ANK3: variants seen among roughly 807,000 people sequenced by gnomAD.
ANK3 encodes ankyrin 3.
A neutral mutation model predicts 370.9 loss-of-function variants in ANK3; 57 were observed. That is an observed-to-expected ratio of 0.15 (90% confidence interval 0.12 to 0.19). The LOEUF is 0.19. Ranked by LOEUF, ANK3 falls within the 10% of genes least tolerant of loss-of-function variation. The pLI, the probability that ANK3 is intolerant of heterozygous loss-of-function variation, is 1.00. For missense variants in ANK3, 4,439 were observed against 5,302.1 expected (o/e 0.84, Z 5.06); for synonymous variants, 1,929 against 1,946.3 (o/e 0.99, Z 0.23).
chr10:60,145,600 T>C (rs2094777854), intron 23 of ANK3, among the ~76,000 whole-genome samples: 2 of 152,208 alleles, frequency 1.3e-5, no homozygotes, highest in African/African-American at 4.8e-5. Flanking sequence ...TAAAACAGAA[T>C]TGTTATTTCC....
At position 60,060,350 on chromosome 10, in the gene ANK3, T is replaced by C. The variant is rs184445807; in HGVS notation, c.12596-920A>G. ...AGACCAATATAAAGTTAGTTGTCAT[T>C]ACATGAGATACTTATTATCTTTCTA... On this transcript the variant is annotated intron_variant, in intron 40 of 43. Coordinates refer to ENST00000280772, the MANE Select transcript of ANK3 (RefSeq NM_020987.5). 608 of 162,430 alleles carry C rather than the reference T, an allele frequency of 3.7e-3. 9 individuals carry two copies. Among genetic ancestry groups the C allele is most frequent in the Non-Finnish European group, 9.1e-4 (68 of 74,666 alleles). The allele number at this position is 162,430 out of a possible 1,614,324, so 10.1% of individuals were successfully genotyped here.
intron 43 of ANK3, among the ~76,000 whole-genome samples, chr10:60,036,110 T>C (rs10761442): frequency 0.25 from 37,752 of 151,782 alleles, 4,943 homozygotes; most frequent in Admixed American, 0.34. Flanking sequence ...TAAAGAGGAA[T>C]AAGGATACCT....
At chr10:60,513,458 G>C (rs574993884) in intron 2 of ANK3, among the ~76,000 whole-genome samples, 1 of 152,194 alleles carries the variant, frequency 6.6e-6, no homozygotes, top group Admixed American at 6.5e-5. Context: ...GAGAACCAGG[G>C]AGACTTTTTT....
At chr10:60,256,240 G>A (rs1239589141) in intron 7 of ANK3, among the ~76,000 whole-genome samples, 1 of 152,234 alleles carries the variant, frequency 6.6e-6, no homozygotes, top group Non-Finnish European at 1.5e-5. Flanking sequence ...TGAACAAATT[G>A]GTAGTGTAGG....
intron 2 of ANK3, among the ~76,000 whole-genome samples, chr10:60,498,313 C>A (rs150702634): frequency 6.6e-6 from 1 of 152,286 alleles, no homozygotes; most frequent in African/African-American, 2.4e-5. Context: ...TATGTTGACT[C>A]TGGGTTTATT....
intron 2 of ANK3, among the ~76,000 whole-genome samples, chr10:60,480,856 C>A (rs1388761513): frequency 6.6e-6 from 1 of 152,178 alleles, no homozygotes; most frequent in African/African-American, 2.4e-5. Context: ...TTCCTTTGGG[C>A]AGCAAATTGC....
chr10:60,496,840 T>C (rs1463007732), intron 2 of ANK3, among the ~76,000 whole-genome samples: 2 of 151,700 alleles, frequency 1.3e-5, no homozygotes, highest in South Asian at 2.1e-4. Flanking sequence ...GGTGGGAGAA[T>C]AGGGCCTGAG....
At chr10:60,559,123 T>A (rs2077276314) in intron 2 of ANK3, among the ~76,000 whole-genome samples, 1 of 152,110 alleles carries the variant, frequency 6.6e-6, no homozygotes, top group African/African-American at 2.4e-5. Context: ...GCCTTCTTTT[T>A]AAAAAAAATT....
chr10:60,180,626 C>CCAT (rs1565506403), intron 18 of ANK3, among the ~76,000 whole-genome samples: 43 of 119,304 alleles, frequency 3.6e-4, no homozygotes, highest in African/African-American at 1.2e-3. Context: ...AAAAAAAAAA[C>CCAT]ATGTTAGAGT....
At chr10:60,450,267 T>A (rs1319969620) in intron 2 of ANK3, among the ~76,000 whole-genome samples, 1 of 152,126 alleles carries the variant, frequency 6.6e-6, no homozygotes. Flanking sequence ...GCACTCCAGC[T>A]AGCCTGGGTG....
At chr10:60,607,399 G>T (rs2078142586) in intron 2 of ANK3, among the ~76,000 whole-genome samples, 1 of 152,000 alleles carries the variant, frequency 6.6e-6, no homozygotes, top group East Asian at 1.9e-4. Context: ...ACCACATACT[G>T]CCTCCCTTTC....
At chr10:60,594,037 G>A (rs2077953548) in intron 2 of ANK3, among the ~76,000 whole-genome samples, 1 of 152,114 alleles carries the variant, frequency 6.6e-6, no homozygotes, top group South Asian at 2.1e-4. Context: ...ATTGCACTGG[G>A]CAAATGACCG....
chr10:60,453,862 T>G (rs535571438), intron 2 of ANK3, among the ~76,000 whole-genome samples: 2 of 152,218 alleles, frequency 1.3e-5, no homozygotes, highest in Non-Finnish European at 2.9e-5. Flanking sequence ...GTTCTATATA[T>G]TCCCATTATA....
At chr10:60,697,610 A>T (rs1442144649) in intron 1 of ANK3, among the ~76,000 whole-genome samples, 15 of 143,212 alleles carry the variant, frequency 1.0e-4, no homozygotes, top group Non-Finnish European at 1.5e-4. Context: ...CATATCTACA[A>T]CTATCTGATC....
At chr10:60,362,132 G>A (rs1449956412) in intron 1 of ANK3, among the ~76,000 whole-genome samples, 2 of 151,042 alleles carry the variant, frequency 1.3e-5, no homozygotes, top group East Asian at 1.9e-4. Flanking sequence ...TGTCCTATGT[G>A]GTCACTTTTA....
intron 2 of ANK3, among the ~76,000 whole-genome samples, chr10:60,407,091 ACT>A (rs2063471583): frequency 6.6e-6 from 1 of 152,170 alleles, no homozygotes; most frequent in African/African-American, 2.4e-5. Context: ...CAGATTTTCT[ACT>A]CTGTTGTATC....
In ANK3 at chr10:60,198,787, C is replaced by T. The variant is rs78173462; in HGVS notation, c.1492-250G>A. Among the ~76,000 whole-genome samples the T allele has an allele frequency of 2.3e-3, 355 of 152,124 alleles. 1 individual carries two copies. The highest frequency in any genetic ancestry group is 8.3e-3 in the African/African-American group (343 of 41,488). On this transcript the variant is annotated intron_variant, in intron 13 of 43. Coordinates refer to ENST00000280772, the MANE Select transcript of ANK3 (RefSeq NM_020987.5). ...ATGAAATGCAGTTGTCTATAAATTA[C>T]ACCCCACCCACACCTGCCACAGAGA...
chr10:60,314,734 C>G (rs577943202), intron 1 of ANK3, among the ~76,000 whole-genome samples: 1 of 152,158 alleles, frequency 6.6e-6, no homozygotes, highest in Non-Finnish European at 1.5e-5. Flanking sequence ...CAGCACACAC[C>G]TGGCTCAAGT....
intron 21 of ANK3, among the ~76,000 whole-genome samples, chr10:60,167,776 A>C (rs576353943): frequency 6.6e-6 from 1 of 152,196 alleles, no homozygotes; most frequent in East Asian, 1.9e-4. Context: ...AAACTAAAAA[A>C]AGGTACAAAT....
Sources: allele counts gnomAD v4.1 joint callset (sites outside exome capture counted in the v4.1 genomes callset), GRCh38; gene constraint gnomAD v4.1.1; transcripts MANE v1.5; gene names NCBI Gene and HGNC (gene_info 2026-07-23, HGNC 2026-07-21).